The following C12orf76 variants were observed in gnomAD, a reference collection of about 807,000 sequenced individuals.
The protein encoded by C12orf76 is chromosome 12 open reading frame 76.
Under a neutral mutation model 6.8 loss-of-function variants are expected in C12orf76, and 6 were observed. That is an observed-to-expected ratio of 0.88 (90% CI 0.48 to 1.73). The LOEUF (loss-of-function observed/expected upper bound fraction) is 1.73. Among genes scored for constraint, C12orf76 ranks in the 40% most tolerant of loss-of-function variants. The pLI, the probability that C12orf76 is intolerant of heterozygous loss-of-function variation, is 0.01. For missense variants in C12orf76, 99 were observed against 98.2 expected (o/e 1.01, Z -0.03); for synonymous variants, 56 against 43.7 (o/e 1.28, Z -1.11).
intron 4 of C12orf76, among the ~76,000 whole-genome samples, chr12:110,056,197 C>A (rs1423230336): frequency 6.6e-6 from 1 of 152,108 alleles, no homozygotes; most frequent in East Asian, 1.9e-4. Flanking sequence ...TGATGTCCTC[C>A]CTTTGGAAAG....
chr12:110,050,035 C>T (rs556448364), upstream of C12orf76: 4 of 152,282 alleles, frequency 2.6e-5, no homozygotes, highest in East Asian at 1.9e-4. Context: ...AGTAGCTTGC[C>T]GATGCTGCCA....
At chr12:110,059,528 A>G (rs552648493) in intron 2 of C12orf76, among the ~76,000 whole-genome samples, 24 of 152,318 alleles carry the variant, frequency 1.6e-4, no homozygotes, top group African/African-American at 5.5e-4. Context: ...GTTGCCAGAA[A>G]TCCCTGCACA....
chr12:110,069,993 A>T (rs554234187), upstream of C12orf76, among the ~76,000 whole-genome samples: 749 of 152,272 alleles, frequency 4.9e-3, 9 homozygotes, highest in African/African-American at 0.017. Context: ...CTCACACTGT[A>T]ATCCCAGCAC....
chr12:110,069,869 G>A (rs772032063), upstream of C12orf76, among the ~76,000 whole-genome samples: 3 of 152,192 alleles, frequency 2.0e-5, no homozygotes, highest in Non-Finnish European at 4.4e-5. Context: ...ATACATGTAA[G>A]TTATGATTTC....
At chr12:110,048,757 G>C, upstream of C12orf76, 1 of 909,880 alleles carries the variant, frequency 1.1e-6, no homozygotes, top group Non-Finnish European at 1.4e-6. Context: ...TTACCGTTCT[G>C]CTGTGGTTAG....
intron 2 of C12orf76, among the ~76,000 whole-genome samples, chr12:110,060,232 T>C (rs1459617365): frequency 1.3e-5 from 2 of 151,876 alleles, no homozygotes; most frequent in Non-Finnish European, 2.9e-5. Flanking sequence ...GTCTCCAAAA[T>C]ACCCCCTCTT....
At chr12:110,071,625 T>C (rs1892960520), upstream of C12orf76, among the ~76,000 whole-genome samples, 1 of 152,050 alleles carries the variant, frequency 6.6e-6, no homozygotes, top group Non-Finnish European at 1.5e-5. Context: ...TTGCCTTGAC[T>C]CTTAGTAAAC....
At chr12:110,058,601 G>A (rs1373158829) in intron 3 of C12orf76, among the ~76,000 whole-genome samples, 1 of 151,986 alleles carries the variant, frequency 6.6e-6, no homozygotes, top group East Asian at 1.9e-4. Flanking sequence ...GAAGGCGGAG[G>A]TTGCAGTGAG....
intron 2 of C12orf76, among the ~76,000 whole-genome samples, chr12:110,064,861 C>T (rs766947241): frequency 9.2e-5 from 14 of 152,144 alleles, no homozygotes; most frequent in South Asian, 4.1e-4. Flanking sequence ...TGGGCTGGGG[C>T]GGTATCCCCA....
Position 110,046,620 on chromosome 12 carries a change from A to C in C12orf76, c.133+1743T>G, listed in dbSNP as rs150913684. Among the ~76,000 whole-genome samples the C allele has an allele frequency of 2.6e-5, 4 of 152,268 alleles. No individual in the cohort carries two copies. In the East Asian group the frequency reaches 7.7e-4, roughly 29 times the overall value. ...CAGAGACACCTAGAACTGGTCTCTA[A>C]GTGCTTGGATGTTGCAACAATGTCA... On this transcript the variant is annotated intron_variant, in intron 1 of 1. Transcript: ENST00000615315.
At chr12:110,065,756 C>G in intron 2 of C12orf76, 1 of 1,598,284 alleles carries the variant, frequency 6.3e-7, no homozygotes, top group Non-Finnish European at 8.6e-7. Context: ...GATGGTTTCA[C>G]TTCTCTGCAT....
chr12:110,062,159 GA>G (rs1335892330), intron 2 of C12orf76, among the ~76,000 whole-genome samples: 1 of 152,090 alleles, frequency 6.6e-6, no homozygotes, highest in Non-Finnish European at 1.5e-5. Context: ...AGCTACTTAG[GA>G]AGCTGAGATA....
In C12orf76 at chr12:110,042,147, A is replaced by G; in HGVS notation, c.*227T>C. 1.8e-6 allele frequency: 1 copy of G among 568,014 alleles called. No homozygotes were observed. The highest frequency in any genetic ancestry group is 3.0e-5 in the Admixed American group (1 of 33,352). 35.2% of individuals were successfully genotyped at this position (568,014 alleles called of 1,614,324 possible). ...TTCAGGTCTTACTTTTAACAAGTAC[A>G]GTCAGAAACACTGAGAAGCGGACTC... On this transcript the variant is annotated 3_prime_UTR_variant, in exon 2 of 2. Transcript: ENST00000615315.
upstream of C12orf76, chr12:110,048,691 C>T: frequency 1.6e-6 from 2 of 1,243,616 alleles, no homozygotes; most frequent in Non-Finnish European, 2.0e-6. Context: ...TAATGTTTCC[C>T]CCGGACCAAC....
At chr12:110,047,880 G>C (rs1301912289) in intron 1 of C12orf76, among the ~76,000 whole-genome samples, 1 of 152,178 alleles carries the variant, frequency 6.6e-6, no homozygotes, top group Non-Finnish European at 1.5e-5. Flanking sequence ...TTGTTGCCTA[G>C]CCTGAGCCCA....
intron 1 of C12orf76, among the ~76,000 whole-genome samples, chr12:110,067,201 C>T (rs570601643): frequency 6.6e-6 from 1 of 152,348 alleles, no homozygotes; most frequent in South Asian, 2.1e-4. Flanking sequence ...GTGGTGCCAT[C>T]GTAAGCGGCT....
intron 1 of C12orf76, 28 bp downstream of exon 1, chr12:110,048,335 G>T (rs1892503856): frequency 7.4e-6 from 11 of 1,477,882 alleles, no homozygotes; most frequent in Non-Finnish European, 9.8e-6. Flanking sequence ...GGCACTACCC[G>T]CCGCCCGCCA....
chr12:110,069,131 G>C (rs995295652), upstream of C12orf76, among the ~76,000 whole-genome samples: 1 of 152,106 alleles, frequency 6.6e-6, no homozygotes, highest in Non-Finnish European at 1.5e-5. Context: ...TTCTAAAGAC[G>C]GCACTTCAGA....
intron 1 of C12orf76, among the ~76,000 whole-genome samples, chr12:110,066,264 C>T (rs903957555): frequency 6.8e-6 from 1 of 146,692 alleles, no homozygotes; most frequent in Admixed American, 7.0e-5. Flanking sequence ...CCCATCTACT[C>T]GGGAGGCTGA....
Sources: gnomAD v4.1 joint callset for allele counts (sites outside exome capture counted in the v4.1 genomes callset) on GRCh38, gnomAD v4.1.1 for gene constraint, MANE v1.5 for transcripts, NCBI Gene and HGNC (gene_info 2026-07-23, HGNC 2026-07-21) for gene names.